Variants in GALNT17 observed in about 807,000 individuals in gnomAD.
GALNT17 encodes polypeptide N-acetylgalactosaminyltransferase 17, also known as UDP-GalNAc:polypeptide N-acetylgalactosaminyltransferase-like 3.
A neutral mutation model predicts 63.7 loss-of-function variants in GALNT17; 29 were observed. That is an observed-to-expected ratio of 0.46 (90% CI 0.34 to 0.62). GALNT17 has a LOEUF of 0.62. Among genes scored for constraint, GALNT17 ranks in the 20% least tolerant of loss-of-function variants. The probability of loss-of-function intolerance (pLI) is 0.01; values close to 1 mark genes in which losing one functional copy is unlikely to be tolerated. For missense variants in GALNT17, 603 were observed against 799.6 expected (o/e 0.75, Z 2.97); for synonymous variants, 305 against 318.3 (o/e 0.96, Z 0.45).
chr7:71,482,605 G>T (rs1470009578), intron 5 of GALNT17, among the ~76,000 whole-genome samples: 1 of 152,156 alleles, frequency 6.6e-6, no homozygotes, highest in Non-Finnish European at 1.5e-5. Context: ...TGTAGAGCAC[G>T]TTGCTGTACT....
chr7:71,530,991 T>G (rs1788711330), intron 5 of GALNT17, among the ~76,000 whole-genome samples: 1 of 152,228 alleles, frequency 6.6e-6, no homozygotes, highest in Non-Finnish European at 1.5e-5. Flanking sequence ...TCCAATATGG[T>G]AGATACATGT....
In GALNT17 at chr7:71,460,037, C is replaced by G. The variant is rs186086980; in HGVS notation, c.962+38932C>G. Among the ~76,000 whole-genome samples, 42 of 152,304 alleles carry G rather than the reference C, an allele frequency of 2.8e-4. 5 individuals are homozygous for G. In the East Asian group the frequency reaches 2.9e-3, roughly 11 times the overall value. ...TTATGGACCAAACCAATGTAGTTCT[C>G]TAATGTATTTGAGTGATGTCTCATG... On this transcript the variant is annotated intron_variant, in intron 5 of 10. Transcript: ENST00000333538.
At chr7:71,404,643 C>T (rs1311130674) in intron 3 of GALNT17, among the ~76,000 whole-genome samples, 1 of 152,226 alleles carries the variant, frequency 6.6e-6, no homozygotes, top group African/African-American at 2.4e-5. Context: ...ATTTCAGAGA[C>T]AGATGGGCCC....
intron 5 of GALNT17, among the ~76,000 whole-genome samples, chr7:71,454,042 A>G (rs1490108022): frequency 2.6e-5 from 4 of 152,178 alleles, no homozygotes; most frequent in Admixed American, 2.0e-4. Flanking sequence ...ACAACTTAAT[A>G]TGTCCCAGGG....
At chr7:71,579,956 T>C (rs1789605929) in intron 6 of GALNT17, among the ~76,000 whole-genome samples, 1 of 151,806 alleles carries the variant, frequency 6.6e-6, no homozygotes, top group South Asian at 2.1e-4. Flanking sequence ...GATGGATAGA[T>C]AGAGGGATGA....
chr7:71,210,801 G>A (rs1044645218), intron 1 of GALNT17, among the ~76,000 whole-genome samples: 1 of 152,154 alleles, frequency 6.6e-6, no homozygotes. Flanking sequence ...TTGCTTAGGA[G>A]CATTGTTACC....
intron 9 of GALNT17, among the ~76,000 whole-genome samples, chr7:71,708,064 A>G (rs1414018517): frequency 6.6e-6 from 1 of 152,196 alleles, no homozygotes; most frequent in Non-Finnish European, 1.5e-5. Flanking sequence ...TATGTTGCCC[A>G]CTTGCAGTAT....
intron 2 of GALNT17, among the ~76,000 whole-genome samples, chr7:71,372,496 C>T (rs560118847): frequency 5.9e-5 from 9 of 152,214 alleles, no homozygotes; most frequent in Middle Eastern, 3.4e-3. Context: ...TAGAATCTTG[C>T]TCTGTTACCC....
At chr7:71,271,711 C>T (rs940309758) in intron 1 of GALNT17, among the ~76,000 whole-genome samples, 3 of 152,150 alleles carry the variant, frequency 2.0e-5, no homozygotes, top group Non-Finnish European at 4.4e-5. Flanking sequence ...TGTGGTCAGT[C>T]TCCAACTCAT....
At chr7:71,625,605 TG>T (rs1401947948) in intron 6 of GALNT17, among the ~76,000 whole-genome samples, 1 of 152,166 alleles carries the variant, frequency 6.6e-6, no homozygotes, top group Non-Finnish European at 1.5e-5. Context: ...TCTGATTGAC[TG>T]GCCCTCGGGA....
chr7:71,540,764 G>A (rs968455963), intron 5 of GALNT17, among the ~76,000 whole-genome samples: 2 of 152,146 alleles, frequency 1.3e-5, no homozygotes, highest in African/African-American at 2.4e-5. Context: ...TAATTCACAA[G>A]CCAGAGCAGG....
At chr7:71,365,576 C>T (rs1309617086) in intron 2 of GALNT17, among the ~76,000 whole-genome samples, 1 of 152,186 alleles carries the variant, frequency 6.6e-6, no homozygotes. Context: ...TCCATCACTC[C>T]CTCCACAGCT....
At chr7:71,163,199 C>G (rs145665446) in intron 1 of GALNT17, among the ~76,000 whole-genome samples, 265 of 152,314 alleles carry the variant, frequency 1.7e-3, no homozygotes, top group African/African-American at 5.6e-3. Context: ...ATGCCATTCA[C>G]TGAGACAGGG....
chr7:71,158,120 C>T (rs1346130869), intron 1 of GALNT17, among the ~76,000 whole-genome samples: 1 of 148,394 alleles, frequency 6.7e-6, no homozygotes, highest in East Asian at 1.9e-4. Context: ...TATATTGATT[C>T]CCCCTTTTTT....
intron 7 of GALNT17, among the ~76,000 whole-genome samples, chr7:71,666,699 G>A (rs879613573): frequency 2.6e-5 from 4 of 152,154 alleles, no homozygotes; most frequent in South Asian, 2.1e-4. Context: ...CATCCAGGTC[G>A]TTGCAAATAC....
At chr7:71,633,854 T>C (rs1041373002) in intron 6 of GALNT17, among the ~76,000 whole-genome samples, 1 of 152,168 alleles carries the variant, frequency 6.6e-6, no homozygotes, top group African/African-American at 2.4e-5. Flanking sequence ...GCTTTCAGTT[T>C]GAAGTCATGT....
intron 1 of GALNT17, among the ~76,000 whole-genome samples, chr7:71,282,436 G>A (rs1446933781): frequency 2.0e-5 from 3 of 152,246 alleles, no homozygotes; most frequent in Non-Finnish European, 2.9e-5. Context: ...AGAGGGCCAT[G>A]TTATTCTTTG....
chr7:71,671,846 G>A (rs1485407605), intron 8 of GALNT17, among the ~76,000 whole-genome samples: 1 of 152,068 alleles, frequency 6.6e-6, no homozygotes, highest in Non-Finnish European at 1.5e-5. Flanking sequence ...CCAACATGGG[G>A]AAGTCCTGTC....
chr7:71,706,704 A>G (rs1368200895), intron 9 of GALNT17, among the ~76,000 whole-genome samples: 2 of 152,160 alleles, frequency 1.3e-5, no homozygotes, highest in African/African-American at 2.4e-5. Flanking sequence ...CATCTCTCTC[A>G]AGGGCACTTA....
Sources: allele counts gnomAD v4.1 joint callset (sites outside exome capture counted in the v4.1 genomes callset), GRCh38; gene constraint gnomAD v4.1.1; transcripts MANE v1.5; gene names NCBI Gene and HGNC (gene_info 2026-07-23, HGNC 2026-07-21).